The following CTNNA2 variants were observed in gnomAD, a reference collection of about 807,000 sequenced individuals.
CTNNA2 encodes catenin alpha-2.
In CTNNA2, 42 loss-of-function variants were observed where a neutral mutation model predicts 101.0. That is an observed-to-expected ratio of 0.42 (90% CI 0.32 to 0.54). The LOEUF is 0.54. CTNNA2 is among the 20% of genes least tolerant of loss of function. The pLI is 0.14. For missense variants in CTNNA2, 871 were observed against 1,223.1 expected, an observed-to-expected ratio of 0.71 and a Z score of 4.29; for synonymous variants, 450 against 456.4, an observed-to-expected ratio of 0.99 and a Z score of 0.18.
At chr2:79,764,680 G>C (rs998764391) in intron 3 of CTNNA2, among the ~76,000 whole-genome samples, 10 of 152,222 alleles carry the variant, frequency 6.6e-5, no homozygotes, top group Non-Finnish European at 1.3e-4. Context: ...TGAGATAAGA[G>C]TGGTCCAGTA....
chr2:80,255,525 T>G (rs941347045), intron 7 of CTNNA2, among the ~76,000 whole-genome samples: 1 of 152,188 alleles, frequency 6.6e-6, no homozygotes, highest in Non-Finnish European at 1.5e-5. Context: ...GAGCCTTGTC[T>G]GTAATGAATT....
At chr2:79,287,496 C>G (rs1279788828) in intron 2 of CTNNA2, among the ~76,000 whole-genome samples, 2 of 151,730 alleles carry the variant, frequency 1.3e-5, no homozygotes, top group African/African-American at 2.4e-5. Flanking sequence ...AGCTGCAGGT[C>G]TATTGGAGTA....
intron 3 of CTNNA2, among the ~76,000 whole-genome samples, chr2:79,790,709 A>G (rs756849513): frequency 3.9e-5 from 6 of 152,196 alleles, no homozygotes; most frequent in Non-Finnish European, 8.8e-5. Context: ...CCTATCATTC[A>G]GTCTCCTGCT....
upstream of CTNNA2, among the ~76,000 whole-genome samples, chr2:79,510,174 A>G (rs1671505526): frequency 1.3e-5 from 2 of 152,192 alleles, no homozygotes; most frequent in Non-Finnish European, 2.9e-5. Context: ...ACCTTTAACA[A>G]TGATCCTTTT....
chr2:80,038,692 A>G (rs1186214716), intron 7 of CTNNA2, among the ~76,000 whole-genome samples: 1 of 152,148 alleles, frequency 6.6e-6, no homozygotes, highest in African/African-American at 2.4e-5. Context: ...CTAAAAGTAC[A>G]AAAGTTAGCC....
intron 9 of CTNNA2, among the ~76,000 whole-genome samples, chr2:80,487,235 C>T (rs1686663217): frequency 6.8e-6 from 1 of 147,122 alleles, no homozygotes. Context: ...GAGCTGAGGT[C>T]ACACCACTGC....
At chr2:80,296,021 G>A (rs56271531) in intron 7 of CTNNA2, among the ~76,000 whole-genome samples, 4,843 of 152,076 alleles carry the variant, frequency 0.032, 243 homozygotes, top group African/African-American at 0.11. Context: ...TCACCAGACT[G>A]AGCACATTGA....
chr2:79,850,381 C>CCCTCCCTG (rs1680605499), intron 3 of CTNNA2, among the ~76,000 whole-genome samples: 1 of 128,188 alleles, frequency 7.8e-6, no homozygotes, highest in African/African-American at 3.0e-5. Context: ...CTCCCTCCCT[C>CCCTCCCTG]TGTTTGTTTC....
chr2:79,762,907 C>T (rs1285649346), intron 3 of CTNNA2, among the ~76,000 whole-genome samples: 1 of 152,160 alleles, frequency 6.6e-6, no homozygotes. Context: ...GAATGAGTAT[C>T]TCCTATTCTA....
chr2:79,542,663 G>A (rs757597199), intron 1 of CTNNA2, among the ~76,000 whole-genome samples: 19 of 152,212 alleles, frequency 1.2e-4, no homozygotes, highest in East Asian at 7.7e-4. Context: ...AGTTTATAGC[G>A]TAGTACCTTA....
intron 2 of CTNNA2, among the ~76,000 whole-genome samples, chr2:79,206,428 G>A (rs908465655): frequency 3.3e-5 from 5 of 152,110 alleles, no homozygotes; most frequent in South Asian, 2.1e-4. Flanking sequence ...AGTCCTCAGC[G>A]ACATTGGGGA....
At chr2:79,976,661 G>A (rs1474700010) in intron 7 of CTNNA2, among the ~76,000 whole-genome samples, 1 of 152,148 alleles carries the variant, frequency 6.6e-6, no homozygotes, top group Non-Finnish European at 1.5e-5. Flanking sequence ...GACCTGAAAG[G>A]TATATTGTCC....
intron 7 of CTNNA2, among the ~76,000 whole-genome samples, chr2:80,042,733 G>A (rs939916447): frequency 2.6e-5 from 4 of 152,206 alleles, no homozygotes; most frequent in African/African-American, 9.7e-5. Flanking sequence ...CTCATTTGGA[G>A]GGGTTAGAGG....
At chr2:79,900,046 G>A (rs186636111) in intron 6 of CTNNA2, among the ~76,000 whole-genome samples, 1 of 152,256 alleles carries the variant, frequency 6.6e-6, no homozygotes, top group East Asian at 1.9e-4. Context: ...AGACACCTCG[G>A]TTAATTTATT....
intron 4 of CTNNA2, among the ~76,000 whole-genome samples, chr2:79,430,340 A>G (rs761449139): frequency 2.0e-5 from 3 of 152,184 alleles, no homozygotes; most frequent in African/African-American, 7.2e-5. Flanking sequence ...AATCATTTAC[A>G]AGCTCTCATT....
intron 7 of CTNNA2, among the ~76,000 whole-genome samples, chr2:80,122,391 C>CCTTTCTCT (rs1317835334): frequency 2.6e-5 from 4 of 151,466 alleles, no homozygotes; most frequent in East Asian, 2.0e-4. Flanking sequence ...CAGCCAGCCC[C>CCTTTCTCT]CTTTCTCTCT....
At chr2:79,202,732 C>CTTTGTTTG (rs34378966) in intron 2 of CTNNA2, among the ~76,000 whole-genome samples, 1,910 of 151,212 alleles carry the variant, frequency 0.013, 31 homozygotes, top group African/African-American at 0.039. Flanking sequence ...TTCTACGTTT[C>CTTTGTTTG]TTTGTTTGTT....
chr2:79,777,977 A>G (rs1228652900), intron 3 of CTNNA2, among the ~76,000 whole-genome samples: 1 of 151,270 alleles, frequency 6.6e-6, no homozygotes, highest in East Asian at 2.0e-4. Context: ...AACAAATGGC[A>G]TGTGATTGCA....
In CTNNA2 at chr2:79,704,605, C is replaced by T. The variant is rs571987887; in HGVS notation, c.103-39782C>T. ...TCGGCTCACTGCAAGCTCCGCCTCC[C>T]GGGTTCACGCCATTCTCCTGCCTCA... On this transcript the variant is annotated intron_variant, in intron 2 of 18. Transcript: ENST00000402739. Among the ~76,000 whole-genome samples the T allele has an allele frequency of 3.0e-4, 45 of 151,518 alleles. No individual in the cohort carries two copies. In the East Asian group the frequency reaches 6.9e-3, roughly 23 times the overall value.
Sources: gnomAD v4.1 joint callset for allele counts (sites outside exome capture counted in the v4.1 genomes callset) on GRCh38, gnomAD v4.1.1 for gene constraint, MANE v1.5 for transcripts, NCBI Gene and HGNC (gene_info 2026-07-23, HGNC 2026-07-21) for gene names.